The following GTF2F2 variants were observed in gnomAD, a reference collection of about 807,000 sequenced individuals.
The protein encoded by GTF2F2 is general transcription factor IIF subunit 2.
Under a neutral mutation model 42.2 loss-of-function variants are expected in GTF2F2, and 23 were observed. That is an observed-to-expected ratio of 0.55 (90% CI 0.39 to 0.77). GTF2F2 has a LOEUF of 0.77. Among genes scored for constraint, GTF2F2 ranks in the 30% least tolerant of loss-of-function variants. The probability of loss-of-function intolerance (pLI) is 0.00; values close to 1 mark genes in which losing one functional copy is unlikely to be tolerated. For missense variants in GTF2F2, 261 were observed against 287.2 expected (o/e 0.91, Z 0.66); for synonymous variants, 105 against 100.8 (o/e 1.04, Z -0.25).
chr13:45,256,077 A>AAT (rs747182007), intron 6 of GTF2F2, among the ~76,000 whole-genome samples: 7 of 152,210 alleles, frequency 4.6e-5, no homozygotes, highest in Non-Finnish European at 8.8e-5. Context: ...GGATTCATTA[A>AAT]ATAAATATTT....
chr13:45,194,832 A>G lies in GTF2F2; in HGVS notation c.305-12592A>G, dbSNP rs575814807. The G allele has an allele frequency of 8.2e-5, 38 of 462,584 alleles. No individual in the cohort carries two copies. The East Asian group carries it at 1.1e-3, about 13-fold the overall frequency. The allele number at this position is 462,584 out of a possible 1,614,324, so 28.7% of individuals were successfully genotyped here. ...TTGTTGTGAAAGGATTTTCATGTCTATCCTTTGAAGTAATAAGAGTTACTC... is the reference window on the plus strand; with the variant it reads ...TTGTTGTGAAAGGATTTTCATGTCTGTCCTTTGAAGTAATAAGAGTTACTC... On this transcript the variant is annotated intron_variant, in intron 4 of 7. Coordinates refer to ENST00000340473, the MANE Select transcript of GTF2F2 (RefSeq NM_004128.3).
At chr13:45,263,784 G>T (rs1036638452) in intron 6 of GTF2F2, 2 of 160,110 alleles carry the variant, frequency 1.2e-5, no homozygotes, top group Admixed American at 1.2e-4. Context: ...TTGCATCCCT[G>T]GGGGTTGCAG....
intron 3 of GTF2F2, among the ~76,000 whole-genome samples, chr13:45,150,954 T>C (rs1870461806): frequency 6.6e-6 from 1 of 152,152 alleles, no homozygotes; most frequent in Admixed American, 6.5e-5. Context: ...TTCTTTTTGT[T>C]TTTGTTTTTT....
At chr13:45,235,131 CAG>C (rs973117606) in intron 5 of GTF2F2, among the ~76,000 whole-genome samples, 3 of 123,752 alleles carry the variant, frequency 2.4e-5, no homozygotes, top group African/African-American at 8.9e-5. Context: ...ATTGTGAAAA[CAG>C]AAAATCTTAC....
chr13:45,190,280 T>C (rs888165110), intron 4 of GTF2F2, among the ~76,000 whole-genome samples: 10 of 152,206 alleles, frequency 6.6e-5, no homozygotes, highest in African/African-American at 1.7e-4. Context: ...ATTAAAAATA[T>C]TACTTTTCTA....
chr13:45,203,129 T>G (rs1873273820), intron 4 of GTF2F2, among the ~76,000 whole-genome samples: 1 of 152,110 alleles, frequency 6.6e-6, no homozygotes, highest in Non-Finnish European at 1.5e-5. Flanking sequence ...CAGGCTGGAG[T>G]GCAGTGATGT....
At chr13:45,191,788 C>A (rs1872668420) in intron 4 of GTF2F2, among the ~76,000 whole-genome samples, 1 of 152,192 alleles carries the variant, frequency 6.6e-6, no homozygotes, top group Admixed American at 6.5e-5. Flanking sequence ...TGTCCAGATA[C>A]AAGTTCTAAA....
chr13:45,238,219 T>C (rs1875090543), intron 5 of GTF2F2, among the ~76,000 whole-genome samples: 1 of 152,146 alleles, frequency 6.6e-6, no homozygotes, highest in African/African-American at 2.4e-5. Flanking sequence ...CCTCCCAAAC[T>C]GCTAGGATTA....
intron 5 of GTF2F2, among the ~76,000 whole-genome samples, chr13:45,236,137 C>G (rs1874966519): frequency 6.6e-6 from 1 of 152,116 alleles, no homozygotes; most frequent in South Asian, 2.1e-4. Flanking sequence ...TATTCAAGGG[C>G]TTGGCAGTCC....
chr13:45,280,409 A>G (rs1366856436), intron 7 of GTF2F2, among the ~76,000 whole-genome samples: 2 of 152,148 alleles, frequency 1.3e-5, no homozygotes, highest in African/African-American at 4.8e-5. Flanking sequence ...CGTCACTACT[A>G]CTTTCTCTGC....
chr13:45,246,824 T>G (rs1007986585), intron 5 of GTF2F2, among the ~76,000 whole-genome samples: 1 of 141,564 alleles, frequency 7.1e-6, no homozygotes, highest in African/African-American at 2.7e-5. Flanking sequence ...GATCACGAGG[T>G]CAGGAGCTCT....
intron 5 of GTF2F2, among the ~76,000 whole-genome samples, chr13:45,247,609 G>T (rs923259795): frequency 6.6e-6 from 1 of 152,018 alleles, no homozygotes; most frequent in Non-Finnish European, 1.5e-5. Flanking sequence ...GGCCAGGATG[G>T]TCTCGATCTG....
intron 4 of GTF2F2, among the ~76,000 whole-genome samples, chr13:45,155,826 A>G (rs1051126713): frequency 2.0e-5 from 3 of 152,006 alleles, no homozygotes; most frequent in African/African-American, 7.2e-5. Context: ...CTGTGGAAAT[A>G]CCTCATGTGT....
chr13:45,229,075 G>T (rs975350074), intron 5 of GTF2F2, among the ~76,000 whole-genome samples: 2 of 152,130 alleles, frequency 1.3e-5, no homozygotes, highest in African/African-American at 4.8e-5. Flanking sequence ...TAGAGACAGG[G>T]TTTCATCATG....
At chr13:45,175,901 G>A (rs1871857230) in intron 4 of GTF2F2, among the ~76,000 whole-genome samples, 1 of 152,214 alleles carries the variant, frequency 6.6e-6, no homozygotes, top group South Asian at 2.1e-4. Flanking sequence ...TGGATTACAG[G>A]CATGAGCCAC....
At chr13:45,180,999 A>G (rs1300000126) in intron 4 of GTF2F2, among the ~76,000 whole-genome samples, 4 of 151,838 alleles carry the variant, frequency 2.6e-5, no homozygotes. Context: ...CGTCTCTACC[A>G]AAAAATACAG....
intron 6 of GTF2F2, among the ~76,000 whole-genome samples, chr13:45,257,408 T>G (rs1876147868): frequency 6.6e-6 from 1 of 152,200 alleles, no homozygotes; most frequent in Non-Finnish European, 1.5e-5. Context: ...AGTAAATTTT[T>G]TGTAACATTA....
intron 5 of GTF2F2, among the ~76,000 whole-genome samples, chr13:45,210,081 G>A (rs1873570836): frequency 6.6e-6 from 1 of 152,160 alleles, no homozygotes; most frequent in Non-Finnish European, 1.5e-5. Flanking sequence ...CAGCACAGTA[G>A]CCAGGGAAGT....
chr13:45,168,778 G>GGCTT (rs1254352744), intron 4 of GTF2F2, among the ~76,000 whole-genome samples: 10 of 138,056 alleles, frequency 7.2e-5, no homozygotes, highest in Admixed American at 3.6e-4. Flanking sequence ...ACACCTGGCT[G>GGCTT]GCTTCCTTCC....
Sources: gnomAD v4.1 joint callset for allele counts (sites outside exome capture counted in the v4.1 genomes callset) on GRCh38, gnomAD v4.1.1 for gene constraint, MANE v1.5 for transcripts, NCBI Gene and HGNC (gene_info 2026-07-23, HGNC 2026-07-21) for gene names.